The following SLC9B2 variants were observed in gnomAD, a reference collection of about 807,000 sequenced individuals.
The protein encoded by SLC9B2 is sodium/hydrogen exchanger 9B2.
In SLC9B2, 39 loss-of-function variants were observed where a neutral mutation model predicts 52.2. That is an observed-to-expected ratio of 0.75 (90% CI 0.58 to 0.98). The LOEUF is 0.98. Among genes scored for constraint, SLC9B2 ranks in the 50% least tolerant of loss-of-function variants. The pLI is 0.00. For synonymous variants in SLC9B2, 214 were observed against 227.0 expected, an observed-to-expected ratio of 0.94 and a Z score of 0.51; for missense variants, 626 against 637.5, an observed-to-expected ratio of 0.98 and a Z score of 0.19.
chr4:103,050,968 C>T (rs1046192128), intron 4 of SLC9B2, among the ~76,000 whole-genome samples: 4 of 152,100 alleles, frequency 2.6e-5, no homozygotes, highest in Admixed American at 6.5e-5. Context: ...ATGTATCACA[C>T]ATATAATAAT....
At chr4:103,019,595 G>A (rs549471731), downstream of SLC9B2, 34 of 985,376 alleles carry the variant, frequency 3.5e-5, no homozygotes, top group Non-Finnish European at 4.1e-5. Flanking sequence ...AAAATGGGCC[G>A]TACCTACAAC....
chr4:103,066,579 T>C, intron 2 of SLC9B2, 72 bp from the exon 3 acceptor site: 2 of 1,389,258 alleles, frequency 1.4e-6, no homozygotes, highest in South Asian at 1.5e-5. Context: ...TACTGCATCA[T>C]CACCTTACAA....
chr4:103,030,247 A>G (rs1433436980), intron 10 of SLC9B2, among the ~76,000 whole-genome samples: 1 of 152,152 alleles, frequency 6.6e-6, no homozygotes, highest in African/African-American at 2.4e-5. Context: ...AGATAAGGTT[A>G]GAGAAGTTAT....
intron 1 of SLC9B2, among the ~76,000 whole-genome samples, chr4:103,068,070 A>G (rs972219613): frequency 6.6e-6 from 1 of 152,190 alleles, no homozygotes; most frequent in African/African-American, 2.4e-5. Flanking sequence ...TTAAAAATAC[A>G]CCACAATTGA....
At chr4:103,053,254 A>G (rs996621823) in intron 4 of SLC9B2, among the ~76,000 whole-genome samples, 2 of 152,204 alleles carry the variant, frequency 1.3e-5, no homozygotes, top group African/African-American at 4.8e-5. Context: ...AACTCTTAAA[A>G]ATATAGAACA....
chr4:103,076,428 T>C lies in SLC9B2; in HGVS notation c.-287A>G, dbSNP rs1747169438. 6.6e-6 allele frequency: 1 copy of C among 152,186 alleles called. No homozygotes were observed. The highest frequency in any genetic ancestry group is 1.5e-5 in the Non-Finnish European group (1 of 68,042). The allele number at this position is 152,186 out of a possible 1,614,324, so 9.4% of individuals were successfully genotyped here. A position where few individuals can be genotyped will look rare whatever the true frequency, so the allele number is the denominator to read the frequency against. The stretch of plus-strand genomic sequence containing the variant: ...ACACCGCGCAGGGAGGTCCGACCCG[T>C]CGGCGCCGGTACAGGCTCCGGAGTA... On this transcript the variant is annotated 5_prime_UTR_variant, in exon 1 of 12. Transcript: ENST00000394785.
Position 103,075,477 on chromosome 4 carries a change from C to T in SLC9B2, c.-43+707G>A, listed in dbSNP as rs145928529. 1.9e-3 allele frequency among the ~76,000 whole-genome samples: 294 copies of T among 152,292 alleles called. 1 individual carries two copies. Among genetic ancestry groups the T allele is most frequent in the African/African-American group, 6.7e-3 (280 of 41,568 alleles). On this transcript the variant is annotated intron_variant, in intron 1 of 11. Transcript: ENST00000394785. ...ACAAAGATGACTAAGATGCAGTCTG[C>T]CCTTTAAGGGATGGTCAGAGACTGA...
chr4:103,047,134 G>A lies in SLC9B2; in HGVS notation c.806C>T (p.Thr269Ile). 1.9e-6 allele frequency: 3 copies of A among 1,613,978 alleles called. No individual in the cohort carries two copies. The highest frequency in any genetic ancestry group is 8.5e-7 in the Non-Finnish European group (1 of 1,179,940). Residue 269 changes from threonine (T) to isoleucine (I), a missense_variant, in exon 7 of 12, where the codon ACC (threonine) becomes ATC (isoleucine). Coordinates refer to ENST00000394785, the MANE Select transcript of SLC9B2 (RefSeq NM_178833.7). ...GGYGVEKGVP[T>I]LLMAAGSFDD... ...GAAGCTGCCAGCTGCCATGAGCAAG[G>A]TTGGGACACCCTTCTCAACACCATA... is the stretch of plus-strand genomic sequence containing the variant.
chr4:103,026,419 T>C lies in SLC9B2; in HGVS notation c.1565A>G (p.His522Arg), dbSNP rs755332372. 2 of 1,613,656 alleles carry C rather than the reference T, an allele frequency of 1.2e-6. No homozygotes were observed. Residue 522 changes from histidine to arginine, a missense_variant, in exon 12 of 12, where the codon CAT becomes CGT. By Grantham distance (29) the His-to-Arg change is conservative (BLOSUM62 0). Transcript: ENST00000394785. ...TTGAACTTCTTCATCTTTATTTTGATGTTCAACTTTCTGCAGAAGCCTGGG... is the reference window on the plus strand; with the variant it reads ...TTGAACTTCTTCATCTTTATTTTGACGTTCAACTTTCTGCAGAAGCCTGGG... ...LGPRLLQKVE[H>R]QNKDEEVQGE...
At chr4:103,028,003 G>A (rs1742376314) in intron 11 of SLC9B2, among the ~76,000 whole-genome samples, 1 of 152,086 alleles carries the variant, frequency 6.6e-6, no homozygotes, top group African/African-American at 2.4e-5. Flanking sequence ...GATGTAATTA[G>A]TCTGAAAATA....
At position 103,049,995 on chromosome 4, in the gene SLC9B2, A is replaced by G. The variant is rs557685113; in HGVS notation, c.585+245T>C. ...GCCGCTGTACTCCAGCCTGGGTGAC[A>G]GAGCGAGACTCTGTCTCAAAAAAAA... On this transcript the variant is annotated intron_variant, in intron 5 of 11. Coordinates refer to ENST00000394785, the MANE Select transcript of SLC9B2 (RefSeq NM_178833.7). 2.0e-5 allele frequency among the ~76,000 whole-genome samples: 3 copies of G among 151,674 alleles called. No individual in the cohort carries two copies. In the South Asian group the frequency reaches 6.3e-4, roughly 32 times the overall value.
chr4:103,057,002 CTT>C (rs1745184785), intron 4 of SLC9B2, among the ~76,000 whole-genome samples: 1 of 152,146 alleles, frequency 6.6e-6, no homozygotes, highest in South Asian at 2.1e-4. Flanking sequence ...CTATGACAAA[CTT>C]TGATTTGTAG....
rs115461318 is a variant in SLC9B2 at position 103,043,353 on chromosome 4, T to A, written c.1089A>T (p.Gly363=). The A allele has an allele frequency of 1.2e-6, 2 of 1,613,844 alleles. No homozygotes were observed. Among genetic ancestry groups the A allele is most frequent in the Non-Finnish European group, 1.7e-6 (2 of 1,179,916 alleles). ...SSVHFGFPGS[G]GLCTLVMAFL... ...AAGCCATGACCAACGTGCACAGTCCTCCTGATCCAGGGAAACCAAAATGCA... is the reference window on the plus strand; with the variant it reads ...AAGCCATGACCAACGTGCACAGTCCACCTGATCCAGGGAAACCAAAATGCA... Residue 363 remains glycine (G), a synonymous_variant, in exon 9 of 12, where the codon GGA becomes GGT. Coordinates refer to ENST00000394785, the MANE Select transcript of SLC9B2 (RefSeq NM_178833.7).
chr4:103,067,739 A>ATTT (rs1405808277), intron 1 of SLC9B2, 147 bp from the exon 2 acceptor site: 2 of 567,154 alleles, frequency 3.5e-6, no homozygotes, highest in Non-Finnish European at 6.2e-6. Context: ...ATGGCTGGTT[A>ATTT]TTGTTTTTGC....
intron 9 of SLC9B2, among the ~76,000 whole-genome samples, chr4:103,034,795 A>G (rs1743018923): frequency 6.6e-6 from 1 of 152,142 alleles, no homozygotes; most frequent in African/African-American, 2.4e-5. Context: ...ATTTTTTTTA[A>G]TATTTAAAAT....
Position 103,031,802 on chromosome 4 carries a change from C to A in SLC9B2, c.1153G>T (p.Val385Phe). The A allele has an allele frequency of 6.2e-7, 1 of 1,612,140 alleles. No homozygotes were observed. The highest frequency in any genetic ancestry group is 8.5e-7 in the Non-Finnish European group (1 of 1,178,806). The part of the protein sequence containing the change: ...GMGWTSEKAE[V>F]EKIIAVAWDI... ...CAGGCAACTGCAATTATCTTTTCAA[C>A]CTCTGCCTAAAATAACAATAAAACA... Residue 385 changes from valine to phenylalanine, a missense_variant, in exon 10 of 12, where the codon GTT becomes TTT. Physicochemically the swap from Val to Phe is conservative, Grantham distance 50 (BLOSUM62 -1). Transcript: ENST00000394785.
chr4:103,044,799 G>C, intron 8 of SLC9B2, 91 bp downstream of exon 8: 1 of 1,019,944 alleles, frequency 9.8e-7, no homozygotes, highest in South Asian at 1.4e-5. Context: ...GCTCAAACAT[G>C]TCCTTCACAT....
chr4:103,047,335 T>A, intron 6 of SLC9B2, 109 bp from the exon 7 acceptor site: 1 of 936,580 alleles, frequency 1.1e-6, no homozygotes, highest in Non-Finnish European at 1.5e-6. Flanking sequence ...CAACAGTCTT[T>A]CTTTTTTTTT....
intron 5 of SLC9B2, 63 bp from the exon 6 acceptor site, chr4:103,049,083 G>A: frequency 6.3e-7 from 1 of 1,576,498 alleles, no homozygotes; most frequent in Non-Finnish European, 8.6e-7. Flanking sequence ...AGATGACCTT[G>A]AATGCTTTCT....
Sources: allele counts gnomAD v4.1 joint callset (sites outside exome capture counted in the v4.1 genomes callset), GRCh38; gene constraint gnomAD v4.1.1; transcripts MANE v1.5; gene names NCBI Gene and HGNC (gene_info 2026-07-23, HGNC 2026-07-21).